TFAM: variants seen among roughly 807,000 people sequenced by gnomAD.
TFAM encodes transcription factor A, mitochondrial, also known as mitochondrial transcription factor 1.
In TFAM, 13 loss-of-function variants were observed where a neutral mutation model predicts 30.6. The observed-to-expected ratio is 0.42, with a 90% CI of 0.28 to 0.67. TFAM has a LOEUF of 0.67. Ranked by LOEUF, TFAM falls within the 30% of genes least tolerant of loss-of-function variation. TFAM has a pLI of 0.21. For synonymous variants in TFAM, 106 were observed against 94.8 expected, an observed-to-expected ratio of 1.12 and a Z score of -0.69; for missense variants, 231 against 293.7, an observed-to-expected ratio of 0.79 and a Z score of 1.56.
In TFAM at chr10:58,395,185, T is replaced by C; in HGVS notation, c.*111T>C. 8.9e-7 allele frequency: 1 copy of C among 1,121,230 alleles called. No homozygotes were observed. Among genetic ancestry groups the C allele is most frequent in the East Asian group, 2.6e-5 (1 of 38,922 alleles). 69.5% of individuals were successfully genotyped at this position (1,121,230 alleles called of 1,614,324 possible). A position where few individuals can be genotyped will look rare whatever the true frequency, so the allele number is the denominator to read the frequency against. Reference sequence around the variant, plus strand: ...AAGGATAAAGTTGGTAAACCTTTTATATTTAGTATCTTTTTATTCAGCTCA... The same window carrying C: ...AAGGATAAAGTTGGTAAACCTTTTACATTTAGTATCTTTTTATTCAGCTCA... On this transcript the variant is annotated 3_prime_UTR_variant, in exon 7 of 7. Coordinates refer to ENST00000487519, the MANE Select transcript of TFAM (RefSeq NM_003201.3).
intron 6 of TFAM, 100 bp from the exon 7 acceptor site, chr10:58,394,828 A>T: frequency 8.5e-7 from 1 of 1,177,406 alleles, no homozygotes; most frequent in Non-Finnish European, 1.2e-6. Flanking sequence ...GTAATTTCTA[A>T]AGTATATACA....
chr10:58,387,037 G>A (rs1840504107), intron 2 of TFAM, among the ~76,000 whole-genome samples: 2 of 152,076 alleles, frequency 1.3e-5, no homozygotes, highest in Admixed American at 6.5e-5. Context: ...GTCGAGATGG[G>A]TGGATTGCTT....
intron 5 of TFAM, among the ~76,000 whole-genome samples, chr10:58,392,980 C>A (rs563422714): frequency 1.3e-5 from 2 of 151,444 alleles, no homozygotes; most frequent in Admixed American, 1.3e-4. Context: ...CCTGACCCAA[C>A]CTCTCTTTAT....
At chr10:58,392,333 T>G (rs1840612176) in intron 5 of TFAM, among the ~76,000 whole-genome samples, 1 of 152,216 alleles carries the variant, frequency 6.6e-6, no homozygotes, top group African/African-American at 2.4e-5. Flanking sequence ...CTTATTGTAC[T>G]GCTTTTGAGA....
intron 1 of TFAM, 68 bp downstream of exon 1, chr10:58,385,716 C>T: frequency 8.4e-7 from 1 of 1,189,854 alleles, no homozygotes; most frequent in South Asian, 1.3e-5. Flanking sequence ...AATGTAGACC[C>T]TATCCTTCAC....
Position 58,397,183 on chromosome 10 carries a change from C to G in TFAM, c.*2109C>G, listed in dbSNP as rs1564570311. 6.6e-6 allele frequency: 1 copy of G among 151,948 alleles called. No homozygotes were observed. Among genetic ancestry groups the G allele is most frequent in the African/African-American group, 2.4e-5 (1 of 41,360 alleles). 9.4% of individuals were successfully genotyped at this position (151,948 alleles called of 1,614,324 possible). A position where few individuals can be genotyped will look rare whatever the true frequency, so the allele number is the denominator to read the frequency against. ...TCTCTTCAGATGAGCTCAGAGAGCA[C>G]ATAGGAGTGTTTGTAATGAGGGGTA... On this transcript the variant is annotated 3_prime_UTR_variant, in exon 7 of 7. Transcript: ENST00000487519.
chr10:58,385,697 C>T (rs775499009), intron 1 of TFAM, 49 bp downstream of exon 1: 1 of 1,412,808 alleles, frequency 7.1e-7, no homozygotes, highest in East Asian at 2.5e-5. Context: ...CAGGACGTCC[C>T]GGGGTTGGAA....
chr10:58,395,767 G>A lies in TFAM; in HGVS notation c.*693G>A, dbSNP rs1037609619. ...ACATTTCCTAAATATATTTTAAGAC[G>A]AAACATTTGTTCTATAGCTTTTCCC... On this transcript the variant is annotated 3_prime_UTR_variant, in exon 7 of 7. Transcript: ENST00000487519. 13 of 298,008 alleles carry A rather than the reference G, an allele frequency of 4.4e-5. No individual in the cohort carries two copies. Among genetic ancestry groups the A allele is most frequent in the South Asian group, 3.0e-4 (2 of 6,768 alleles). The allele number at this position is 298,008 out of a possible 1,614,324, so 18.5% of individuals were successfully genotyped here. A position where few individuals can be genotyped will look rare whatever the true frequency, so the allele number is the denominator to read the frequency against.
At position 58,397,421 on chromosome 10, in the gene TFAM, T is replaced by A. The variant is rs1840704307; in HGVS notation, c.*2347T>A. 1 of 152,276 alleles carries A rather than the reference T, an allele frequency of 6.6e-6. No individual in the cohort carries two copies. Among genetic ancestry groups the A allele is most frequent in the South Asian group, 2.1e-4 (1 of 4,812 alleles). 9.4% of individuals were successfully genotyped at this position (152,276 alleles called of 1,614,324 possible). On this transcript the variant is annotated 3_prime_UTR_variant, in exon 7 of 7. Coordinates refer to ENST00000487519, the MANE Select transcript of TFAM (RefSeq NM_003201.3). Reference sequence around the variant, plus strand: ...TACGTTTCTCAAGTACTTAACAACTTAATATAGGGAGGAAAGGTGTAAACA... The same window carrying A: ...TACGTTTCTCAAGTACTTAACAACTAAATATAGGGAGGAAAGGTGTAAACA...
chr10:58,396,922 G>T lies in TFAM; in HGVS notation c.*1848G>T, dbSNP rs1564570209. On this transcript the variant is annotated 3_prime_UTR_variant, in exon 7 of 7. Transcript: ENST00000487519. ...TCCCTGTGGGAGCTTCTCACTCTGG[G>T]TGCAGACAGGACAGTGTTGGCCATT... The T allele has an allele frequency of 6.6e-6, 1 of 152,188 alleles. No homozygotes were observed. Among genetic ancestry groups the T allele is most frequent in the East Asian group, 1.9e-4 (1 of 5,192 alleles). The allele number at this position is 152,188 out of a possible 1,614,324, so 9.4% of individuals were successfully genotyped here.
At chr10:58,388,529 A>G (rs946029775) in intron 3 of TFAM, 141 bp from the exon 4 acceptor site, 3 of 933,466 alleles carry the variant, frequency 3.2e-6, no homozygotes, top group Non-Finnish European at 3.5e-6. Flanking sequence ...TTTAATCCAT[A>G]TACATCTCAT....
rs1351682304 is a variant in TFAM, at chr10:58,396,900, C to T, written c.*1826C>T. On this transcript the variant is annotated 3_prime_UTR_variant, in exon 7 of 7. Coordinates refer to ENST00000487519, the MANE Select transcript of TFAM (RefSeq NM_003201.3). ...TTGGATATTTTAAAATAACTTTTCC[C>T]TGTGGGAGCTTCTCACTCTGGGTGC... 2 of 152,154 alleles carry T rather than the reference C, an allele frequency of 1.3e-5. No homozygotes were observed. The highest frequency in any genetic ancestry group is 4.8e-5 in the African/African-American group (2 of 41,438). The allele number at this position is 152,154 out of a possible 1,614,324, so 9.4% of individuals were successfully genotyped here.
intron 5 of TFAM, 39 bp from the exon 6 acceptor site, chr10:58,394,319 C>A: frequency 1.4e-6 from 2 of 1,460,192 alleles, no homozygotes; most frequent in Non-Finnish European, 1.9e-6. Context: ...CACTGAAGTC[C>A]CCATATCTAC....
intron 2 of TFAM, chr10:58,386,548 A>G: frequency 1.3e-6 from 1 of 741,142 alleles, no homozygotes; most frequent in Non-Finnish European, 2.1e-6. Flanking sequence ...AAAATAACGT[A>G]TAGTGTAGAA....
At chr10:58,391,254 C>T (rs1840593264) in intron 5 of TFAM, among the ~76,000 whole-genome samples, 1 of 152,034 alleles carries the variant, frequency 6.6e-6, no homozygotes, top group Non-Finnish European at 1.5e-5. Context: ...CTTTTAATAA[C>T]ATTTTGGTTA....
chr10:58,385,697 C>G (rs775499009), intron 1 of TFAM, 49 bp downstream of exon 1: 1 of 1,412,808 alleles, frequency 7.1e-7, no homozygotes, highest in Admixed American at 2.0e-5. Flanking sequence ...CAGGACGTCC[C>G]GGGGTTGGAA....
At position 58,394,919 on chromosome 10, in the gene TFAM, T is replaced by C; in HGVS notation, c.595-9T>C. On this transcript the variant is annotated splice_polypyrimidine_tract_variant and intron_variant, in intron 6 of 6. Transcript: ENST00000487519. ...AGTAAATCATTTTAACAGTTATGCT[T>C]TTTCTCAGTTATATATTCAGCATGC... 6.2e-7 allele frequency: 1 copy of C among 1,610,918 alleles called. No individual in the cohort carries two copies. The highest frequency in any genetic ancestry group is 1.1e-5 in the South Asian group (1 of 90,620).
intron 4 of TFAM, among the ~76,000 whole-genome samples, chr10:58,389,513 A>G (rs957711175): frequency 6.6e-5 from 10 of 152,208 alleles, no homozygotes; most frequent in African/African-American, 2.2e-4. Flanking sequence ...TTGAAAGACT[A>G]GATTACAGCC....
rs45486593 is a variant in TFAM at position 58,385,442 on chromosome 10, C to T, written c.-106C>T. Reference sequence around the variant, plus strand: ...CTCGCTAGTGGCGGGCATGATAACACACGCCGGAGGGTCGCACGCGGGTTC... The same window carrying T: ...CTCGCTAGTGGCGGGCATGATAACATACGCCGGAGGGTCGCACGCGGGTTC... On this transcript the variant is annotated 5_prime_UTR_variant, in exon 1 of 7. Coordinates refer to ENST00000487519, the MANE Select transcript of TFAM (RefSeq NM_003201.3). 3.3e-3 allele frequency: 2,738 copies of T among 824,398 alleles called. 45 individuals carry two copies. In the African/African-American group the frequency reaches 0.041, roughly 12 times the overall value. 51.1% of individuals were successfully genotyped at this position (824,398 alleles called of 1,614,324 possible).
Sources: gnomAD v4.1 joint callset for allele counts (sites outside exome capture counted in the v4.1 genomes callset) on GRCh38, gnomAD v4.1.1 for gene constraint, MANE v1.5 for transcripts, NCBI Gene and HGNC (gene_info 2026-07-23, HGNC 2026-07-21) for gene names.